The following ADAMTSL1 variants were observed in gnomAD, a reference collection of about 807,000 sequenced individuals.
ADAMTSL1 encodes ADAMTS-like protein 1.
ADAMTSL1 carries 126 observed loss-of-function variants against 201.8 expected under a neutral mutation model. That is an observed-to-expected ratio of 0.62 (90% CI 0.54 to 0.72). The LOEUF is 0.72. Among genes scored for constraint, ADAMTSL1 ranks in the 30% least tolerant of loss-of-function variants. ADAMTSL1 has a pLI of 0.00. For synonymous variants in ADAMTSL1, 1,121 were observed against 903.4 expected, an observed-to-expected ratio of 1.24 and a Z score of -4.32; for missense variants, 2,679 against 2,277.8, an observed-to-expected ratio of 1.18 and a Z score of -3.59.
At chr9:18,280,514 T>C (rs1315789335) in intron 2 of ADAMTSL1, among the ~76,000 whole-genome samples, 1 of 152,210 alleles carries the variant, frequency 6.6e-6, no homozygotes, top group Admixed American at 6.5e-5. Flanking sequence ...ACATTGAGTC[T>C]TCCACTTTGT....
At chr9:18,536,372 A>G (rs1420427361) in intron 3 of ADAMTSL1, among the ~76,000 whole-genome samples, 1 of 151,746 alleles carries the variant, frequency 6.6e-6, no homozygotes, top group Non-Finnish European at 1.5e-5. Context: ...TAGAACCGCT[A>G]CATATAACTT....
At chr9:18,025,715 G>T (rs1820665711) in intron 1 of ADAMTSL1, among the ~76,000 whole-genome samples, 1 of 152,056 alleles carries the variant, frequency 6.6e-6, no homozygotes, top group Admixed American at 6.6e-5. Context: ...TTTTTGCTTA[G>T]GATTGGTTTG....
intron 2 of ADAMTSL1, among the ~76,000 whole-genome samples, chr9:18,227,670 T>C (rs1389409680): frequency 6.6e-6 from 1 of 152,158 alleles, no homozygotes; most frequent in Non-Finnish European, 1.5e-5. Flanking sequence ...AAAATGCTCA[T>C]TAGGTCCTTT....
intron 2 of ADAMTSL1, among the ~76,000 whole-genome samples, chr9:18,418,896 A>T (rs1204628999): frequency 6.6e-6 from 1 of 152,236 alleles, no homozygotes; most frequent in African/African-American, 2.4e-5. Flanking sequence ...AATTTGGAAA[A>T]GACATAAAGT....
At chr9:18,335,791 A>T (rs566916141) in intron 2 of ADAMTSL1, among the ~76,000 whole-genome samples, 1 of 152,188 alleles carries the variant, frequency 6.6e-6, no homozygotes, top group South Asian at 2.1e-4. Context: ...CATATTTTAC[A>T]TGGGCTTTTA....
chr9:18,764,077 G>T (rs549334875), intron 16 of ADAMTSL1, among the ~76,000 whole-genome samples: 101 of 152,284 alleles, frequency 6.6e-4, no homozygotes, highest in African/African-American at 2.3e-3. Context: ...TCTGTAGATT[G>T]CTTTGGGTAG....
chr9:18,127,481 AACAC>A (rs112886805), intron 1 of ADAMTSL1, among the ~76,000 whole-genome samples: 11,325 of 146,142 alleles, frequency 0.077, 447 homozygotes, highest in East Asian at 0.17. Flanking sequence ...GCACATACAC[AACAC>A]ACACACACAC....
intron 20 of ADAMTSL1, among the ~76,000 whole-genome samples, chr9:18,797,348 C>T (rs1027498010): frequency 6.6e-6 from 1 of 152,242 alleles, no homozygotes; most frequent in African/African-American, 2.4e-5. Flanking sequence ...ATCATCCACA[C>T]CTGTGCCAAT....
At chr9:18,626,858 T>TA (rs1375052391) in intron 5 of ADAMTSL1, among the ~76,000 whole-genome samples, 9 of 133,814 alleles carry the variant, frequency 6.7e-5, no homozygotes, top group African/African-American at 1.5e-4. Flanking sequence ...TTTCTTTCTT[T>TA]CTTTCTTTCT....
rs145408640 is a variant in ADAMTSL1 at position 18,658,790 on chromosome 9, A to G, written c.946+1040A>G. On this transcript the variant is annotated intron_variant, in intron 8 of 28. Coordinates refer to ENST00000380548, the MANE Select transcript of ADAMTSL1 (RefSeq NM_001040272.6). ...TTTATTTAGACATTTCCCTACAGCA[A>G]ATCATTTAGTTCCTTTAACTTTTAT... Among the ~76,000 whole-genome samples, 437 of 152,348 alleles carry G rather than the reference A, an allele frequency of 2.9e-3. 1 individual carries two copies. Among genetic ancestry groups the G allele is most frequent in the African/African-American group, 0.01 (421 of 41,582 alleles).
At chr9:18,250,836 C>T (rs72684965) in intron 2 of ADAMTSL1, among the ~76,000 whole-genome samples, 2,226 of 152,198 alleles carry the variant, frequency 0.015, 31 homozygotes, top group South Asian at 0.054. Flanking sequence ...AGAAATGACT[C>T]GTTTTCTACC....
chr9:18,135,230 G>C (rs1826110578), intron 1 of ADAMTSL1, among the ~76,000 whole-genome samples: 1 of 152,086 alleles, frequency 6.6e-6, no homozygotes, highest in Non-Finnish European at 1.5e-5. Context: ...TTAGGAAATA[G>C]TCACAATTGA....
Position 18,721,486 on chromosome 9 carries a change from A to C in ADAMTSL1, c.1877-50A>C, listed in dbSNP as rs77850330. On this transcript the variant is annotated intron_variant, in intron 14 of 28. Transcript: ENST00000380548. ...CCTTGTCTACACTTCATCACCCCCC[A>C]CACACACACCCACTTTGCACTCTGG... The C allele has an allele frequency of 1.3e-4, 211 of 1,590,944 alleles. No individual in the cohort carries two copies. In the Middle Eastern group the frequency reaches 3.5e-3, roughly 26 times the overall value.
In ADAMTSL1 at chr9:18,775,844, G is replaced by T. The variant is rs760762246; in HGVS notation, c.2499G>T (p.Pro833=). 15 of 1,605,162 alleles carry T rather than the reference G, an allele frequency of 9.3e-6. No individual in the cohort carries two copies. In the South Asian group the frequency reaches 1.3e-4, roughly 14 times the overall value. Residue 833 remains proline, a synonymous_variant, in exon 18 of 29, where the codon CCG becomes CCT. Coordinates refer to ENST00000380548, the MANE Select transcript of ADAMTSL1 (RefSeq NM_001040272.6). ...LSTVVNSTLC[P]PLPFSSSIRP... ...CGGTTGTCAATTCCACCCTGTGCCCGCCCCTGCCTTTCTCTTCCTCCATCA... is the reference window on the plus strand; with the variant it reads ...CGGTTGTCAATTCCACCCTGTGCCCTCCCCTGCCTTTCTCTTCCTCCATCA...
chr9:17,971,678 G>A (rs1012803175), intron 1 of ADAMTSL1, among the ~76,000 whole-genome samples: 7 of 151,852 alleles, frequency 4.6e-5, no homozygotes, highest in Admixed American at 2.0e-4. Context: ...ACTAAATGGG[G>A]CTTTTATTCA....
chr9:18,817,815 G>C (rs989780162), intron 21 of ADAMTSL1, among the ~76,000 whole-genome samples: 1 of 152,192 alleles, frequency 6.6e-6, no homozygotes, highest in South Asian at 2.1e-4. Flanking sequence ...GGAAGGTAAC[G>C]ACTGGATGGA....
intron 1 of ADAMTSL1, among the ~76,000 whole-genome samples, chr9:18,068,196 C>T (rs1162959047): frequency 1.3e-5 from 2 of 152,148 alleles, no homozygotes; most frequent in African/African-American, 2.4e-5. Flanking sequence ...GATAGCAGCT[C>T]TTCCCATCAG....
intron 1 of ADAMTSL1, among the ~76,000 whole-genome samples, chr9:18,497,614 G>A (rs137862861): frequency 0.01 from 1,585 of 152,260 alleles, 21 homozygotes; most frequent in African/African-American, 0.031. Flanking sequence ...CTAAGTTTGT[G>A]CTTTTAAAGT....
At chr9:18,537,195 A>G (rs1819830719) in intron 3 of ADAMTSL1, among the ~76,000 whole-genome samples, 1 of 152,226 alleles carries the variant, frequency 6.6e-6, no homozygotes, top group South Asian at 2.1e-4. Flanking sequence ...GGAGAAAAAG[A>G]GATTACAAAC....
Sources: gnomAD v4.1 joint callset for allele counts (sites outside exome capture counted in the v4.1 genomes callset) on GRCh38, gnomAD v4.1.1 for gene constraint, MANE v1.5 for transcripts, NCBI Gene and HGNC (gene_info 2026-07-23, HGNC 2026-07-21) for gene names.